Variants in PDSS2 observed in about 807,000 individuals in gnomAD.
PDSS2 encodes the protein all trans-polyprenyl-diphosphate synthase PDSS2.
A neutral mutation model predicts 44.5 loss-of-function variants in PDSS2; 31 were observed. That is an observed-to-expected ratio of 0.70 (90% CI 0.52 to 0.94). The LOEUF (loss-of-function observed/expected upper bound fraction) is 0.94, where lower values mean the gene tolerates loss of function less well. PDSS2 is among the 40% of genes least tolerant of loss of function. The probability of loss-of-function intolerance (pLI) is 0.00; values close to 1 mark genes in which losing one functional copy is unlikely to be tolerated. For missense variants in PDSS2, 452 were observed against 482.2 expected, an observed-to-expected ratio of 0.94 and a Z score of 0.59; for synonymous variants, 157 against 180.3, an observed-to-expected ratio of 0.87 and a Z score of 1.03.
chr6:107,301,452 C>T (rs1776690846), intron 2 of PDSS2, among the ~76,000 whole-genome samples: 1 of 103,274 alleles, frequency 9.7e-6, no homozygotes. Context: ...AAATAATTTA[C>T]AGTTCATTTG....
chr6:107,299,146 CAAAAAAAA>C (rs71991148), intron 2 of PDSS2, among the ~76,000 whole-genome samples: 2 of 53,494 alleles, frequency 3.7e-5, no homozygotes, highest in Non-Finnish European at 6.2e-5. Flanking sequence ...GACCCTGTCT[CAAAAAAAA>C]AAAAAAAAAA....
chr6:107,413,688 C>T (rs945299767), intron 1 of PDSS2, among the ~76,000 whole-genome samples: 7 of 152,184 alleles, frequency 4.6e-5, no homozygotes, highest in East Asian at 1.9e-4. Context: ...TGATCTTGAA[C>T]GCCTGACCCC....
At chr6:107,326,496 A>T (rs921906538) in intron 2 of PDSS2, among the ~76,000 whole-genome samples, 9 of 152,138 alleles carry the variant, frequency 5.9e-5, no homozygotes, top group African/African-American at 2.2e-4. Flanking sequence ...ATGTTCGGTC[A>T]TGATTTTCTT....
Position 107,154,749 on chromosome 6 carries a change from C to A in PDSS2, c.1070G>T (p.Gly357Val). The A allele has an allele frequency of 1.2e-6, 2 of 1,614,188 alleles. No homozygotes were observed. Among genetic ancestry groups the A allele is most frequent in the Non-Finnish European group, 1.7e-6 (2 of 1,180,024 alleles). The change falls in exon 8 of 8, where the codon GGT (glycine) becomes GTT (valine). Residue 357 changes from glycine (G) to valine (V), a missense_variant. By Grantham distance (109) the Gly-to-Val change is moderately radical. Coordinates refer to ENST00000369037, the MANE Select transcript of PDSS2 (RefSeq NM_020381.4). ...ACACAGGTCAATAGCTGAAGTCACA[C>A]CTTTGCCAGCTTTGATTCTTTCTCG... Reference protein sequence around the residue: ...KLRERIKAGKGVTSAIDLCRY... With the variant: ...KLRERIKAGKVVTSAIDLCRY...
chr6:107,193,056 G>T (rs1772435450), intron 7 of PDSS2, among the ~76,000 whole-genome samples: 1 of 152,226 alleles, frequency 6.6e-6, no homozygotes, highest in Non-Finnish European at 1.5e-5. Flanking sequence ...TAGCCAAGCA[G>T]CTGTACACAT....
chr6:107,381,583 T>G (rs1284915975), intron 1 of PDSS2, among the ~76,000 whole-genome samples: 1 of 152,196 alleles, frequency 6.6e-6, no homozygotes, highest in Admixed American at 6.5e-5. Context: ...TTTGGAACAT[T>G]TGGCACAGTC....
In PDSS2 at chr6:107,186,527, G is replaced by A. The variant is rs112543597; in HGVS notation, c.1041+7295C>T. 9.7e-4 allele frequency among the ~76,000 whole-genome samples: 148 copies of A among 151,992 alleles called. 2 individuals carry two copies. Among genetic ancestry groups the A allele is most frequent in the South Asian group, 2.7e-3 (13 of 4,812 alleles). Reference sequence around the variant, plus strand: ...AAGTTCTGGGATACATGTGCAGAACGTGCAGGTTTGTTACACAGGTATACA... The same window carrying A: ...AAGTTCTGGGATACATGTGCAGAACATGCAGGTTTGTTACACAGGTATACA... On this transcript the variant is annotated intron_variant, in intron 7 of 7. Transcript: ENST00000369037.
chr6:107,255,198 A>G (rs1006031465), intron 3 of PDSS2, among the ~76,000 whole-genome samples: 19 of 126,394 alleles, frequency 1.5e-4, no homozygotes, highest in South Asian at 5.1e-4. Context: ...ATTGCATTCT[A>G]TTTTTTTTTT....
intron 4 of PDSS2, among the ~76,000 whole-genome samples, chr6:107,239,743 G>A (rs534994047): frequency 6.9e-6 from 1 of 143,948 alleles, no homozygotes; most frequent in Admixed American, 7.4e-5. Flanking sequence ...CCAGGTTCAA[G>A]CGATTCTCCT....
chr6:107,242,286 C>T (rs1384781995), intron 4 of PDSS2, among the ~76,000 whole-genome samples: 1 of 152,052 alleles, frequency 6.6e-6, no homozygotes, highest in Non-Finnish European at 1.5e-5. Flanking sequence ...TATTTTGAGA[C>T]GGAGTCTTGC....
intron 2 of PDSS2, among the ~76,000 whole-genome samples, chr6:107,304,131 C>T (rs916566981): frequency 2.0e-5 from 3 of 152,148 alleles, no homozygotes; most frequent in Non-Finnish European, 4.4e-5. Flanking sequence ...CTTCCTCTCC[C>T]TTCCCCACTG....
intron 7 of PDSS2, among the ~76,000 whole-genome samples, chr6:107,171,175 A>ATTTTGGAGACAGGTCTCACTC (rs1323900099): frequency 2.0e-5 from 3 of 151,914 alleles, no homozygotes; most frequent in Non-Finnish European, 2.9e-5. Context: ...ATACGCCTTT[A>ATTTTGGAGACAGGTCTCACTC]TTTTGGAGAC....
At chr6:107,161,208 C>T (rs1026353741) in intron 7 of PDSS2, among the ~76,000 whole-genome samples, 10 of 150,596 alleles carry the variant, frequency 6.6e-5, no homozygotes, top group South Asian at 4.4e-4. Flanking sequence ...TGGCCGGGCG[C>T]GGTGGCTCAT....
intron 4 of PDSS2, among the ~76,000 whole-genome samples, chr6:107,223,390 T>C (rs774158442): frequency 6.6e-6 from 1 of 150,794 alleles, no homozygotes; most frequent in Admixed American, 6.6e-5. Context: ...AACAAGCCAG[T>C]TGTGGTGGCA....
rs551497285 is a variant in PDSS2, at chr6:107,307,753, T to C, written c.431+26445A>G. ...TTCACTGGTCTAGTTAATTCCTGTG[T>C]CCACAGTAGGGTTCTTTTTTAAAAA... On this transcript the variant is annotated intron_variant, in intron 2 of 7. Coordinates refer to ENST00000369037, the MANE Select transcript of PDSS2 (RefSeq NM_020381.4). 3.3e-5 allele frequency among the ~76,000 whole-genome samples: 5 copies of C among 152,292 alleles called. No homozygotes were observed. The South Asian group carries it at 1.0e-3, about 32-fold the overall frequency.
At chr6:107,170,877 T>C (rs1466164517) in intron 7 of PDSS2, among the ~76,000 whole-genome samples, 1 of 152,206 alleles carries the variant, frequency 6.6e-6, no homozygotes, top group Non-Finnish European at 1.5e-5. Context: ...CCTCCCAAAG[T>C]GCTGGGATTA....
intron 6 of PDSS2, among the ~76,000 whole-genome samples, chr6:107,209,963 G>A (rs562179507): frequency 2.6e-5 from 4 of 151,688 alleles, no homozygotes; most frequent in African/African-American, 4.9e-5. Context: ...CTCCCACTTC[G>A]CCATGCTTTT....
intron 7 of PDSS2, among the ~76,000 whole-genome samples, chr6:107,171,831 A>G (rs1006057977): frequency 3.4e-4 from 52 of 152,254 alleles, no homozygotes; most frequent in African/African-American, 1.2e-3. Context: ...CAGCCTAAAA[A>G]AGGCATTTCC....
chr6:107,291,870 A>C (rs1044582806), intron 2 of PDSS2, among the ~76,000 whole-genome samples: 1 of 152,070 alleles, frequency 6.6e-6, no homozygotes, highest in Non-Finnish European at 1.5e-5. Context: ...AAAAGAAAAA[A>C]GAAAAATGCC....
Sources: allele counts gnomAD v4.1 joint callset (sites outside exome capture counted in the v4.1 genomes callset), GRCh38; gene constraint gnomAD v4.1.1; transcripts MANE v1.5; gene names NCBI Gene and HGNC (gene_info 2026-07-23, HGNC 2026-07-21).